RIMS1: variants seen among roughly 807,000 people sequenced by gnomAD.
The protein encoded by RIMS1 is regulating synaptic membrane exocytosis 1.
Under a neutral mutation model 214.1 loss-of-function variants are expected in RIMS1, and 83 were observed. The ratio of observed to expected loss-of-function variants is 0.39; its 90% CI spans 0.32 to 0.47. The LOEUF is 0.47. RIMS1 is among the 20% of genes least tolerant of loss of function. The probability of loss-of-function intolerance (pLI) is 0.99; values close to 1 mark genes in which losing one functional copy is unlikely to be tolerated. For synonymous variants in RIMS1, 793 were observed against 786.8 expected (o/e 1.01, Z -0.13); for missense variants, 2,050 against 2,161.8 (o/e 0.95, Z 1.03).
At chr6:71,914,945 A>G (rs1777892263) in intron 1 of RIMS1, among the ~76,000 whole-genome samples, 1 of 152,182 alleles carries the variant, frequency 6.6e-6, no homozygotes, top group Admixed American at 6.6e-5. Flanking sequence ...TCACTATCAG[A>G]GTACCTTAAA....
Position 72,158,318 on chromosome 6 carries a change from T to C in RIMS1, c.472-21257T>C, listed in dbSNP as rs1483957581. On this transcript the variant is annotated intron_variant, in intron 4 of 33. Transcript: ENST00000521978. ...CACCAAAGTATAATTGCATTGTCTT[T>C]TCTTCTGTTATGTTGAGAAGTTAGT... Among the ~76,000 whole-genome samples the C allele has an allele frequency of 3.5e-5, 5 of 141,314 alleles. 2 individuals are homozygous for C. The highest frequency in any genetic ancestry group is 8.0e-5 in the Non-Finnish European group (5 of 62,186). 92.7% of individuals were successfully genotyped at this position (141,314 alleles called of 152,430 possible).
chr6:72,377,424 G>A (rs1407162328), intron 29 of RIMS1, among the ~76,000 whole-genome samples: 1 of 152,172 alleles, frequency 6.6e-6, no homozygotes, highest in Non-Finnish European at 1.5e-5. Flanking sequence ...TAGTTCAGAA[G>A]GGAACATGGG....
At chr6:72,006,960 A>C (rs1807949797) in intron 2 of RIMS1, among the ~76,000 whole-genome samples, 1 of 152,214 alleles carries the variant, frequency 6.6e-6, no homozygotes, top group Non-Finnish European at 1.5e-5. Flanking sequence ...CCTGTCTGAC[A>C]GCTTGGAAGA....
intron 23 of RIMS1, among the ~76,000 whole-genome samples, chr6:72,274,872 T>G (rs994910231): frequency 1.3e-5 from 2 of 151,954 alleles, no homozygotes; most frequent in African/African-American, 4.8e-5. Context: ...AGTTTAGGCT[T>G]TGATTATATT....
intron 4 of RIMS1, among the ~76,000 whole-genome samples, chr6:72,177,820 C>T (rs1043091779): frequency 6.6e-6 from 1 of 152,184 alleles, no homozygotes; most frequent in African/African-American, 2.4e-5. Flanking sequence ...TCATGAAGGT[C>T]CTGGCCCTGG....
At position 72,182,922 on chromosome 6, in the gene RIMS1, T is replaced by G; in HGVS notation, c.1451T>G (p.Met484Arg). ...SRLDPSSAVL[M>R]RKAKREKVET... ...CTGGACCCCAGCTCGGCGGTCCTCA[T>G]GCGGAAGGCCAAGCGCGAGAAGGTG... is the stretch of plus-strand genomic sequence containing the variant. The change falls in exon 6 of 34, where the codon ATG becomes AGG. Residue 484 changes from methionine (M) to arginine (R), a missense_variant. Around this residue, in one of 6 missense-constraint regions of RIMS1, gnomAD observed 882 missense variants for 828.9 expected, o/e 1.06. Transcript: ENST00000521978. 1 of 1,583,310 alleles carries G rather than the reference T, an allele frequency of 6.3e-7. No individual in the cohort carries two copies. The highest frequency in any genetic ancestry group is 8.6e-7 in the Non-Finnish European group (1 of 1,166,156).
At position 72,142,041 on chromosome 6, in the gene RIMS1, A is replaced by G. The variant is rs116161455; in HGVS notation, c.472-37534A>G. On this transcript the variant is annotated intron_variant, in intron 4 of 33. Transcript: ENST00000521978. ...AAAAGTGACATACTGCATTTGTCTT[A>G]GTTGCTAGTGGGTCTTTTAAATTTT... 6.0e-3 allele frequency among the ~76,000 whole-genome samples: 919 copies of G among 152,130 alleles called. 12 individuals carry two copies. Among genetic ancestry groups the G allele is most frequent in the African/African-American group, 0.021 (858 of 41,552 alleles).
At chr6:71,912,890 A>G (rs1199956894) in intron 1 of RIMS1, among the ~76,000 whole-genome samples, 2 of 152,180 alleles carry the variant, frequency 1.3e-5, no homozygotes, top group Non-Finnish European at 2.9e-5. Context: ...TTTGCAAACA[A>G]AAGACCAATA....
chr6:72,274,224 T>C, intron 22 of RIMS1, 125 bp from the exon 23 acceptor site: 1 of 560,952 alleles, frequency 1.8e-6, no homozygotes, highest in Non-Finnish European at 3.3e-6. Context: ...TTTTAAATTA[T>C]GGAGCAAAGA....
intron 6 of RIMS1, among the ~76,000 whole-genome samples, chr6:72,226,745 A>G (rs994343382): frequency 9.0e-6 from 1 of 110,842 alleles, no homozygotes; most frequent in African/African-American, 3.9e-5. Context: ...GGACTTCAGC[A>G]TTTTTCTAAG....
At chr6:72,133,232 T>C (rs755206028) in intron 4 of RIMS1, among the ~76,000 whole-genome samples, 52 of 60,260 alleles carry the variant, frequency 8.6e-4, no homozygotes, top group Non-Finnish European at 1.7e-3. Flanking sequence ...TTTTCTCTCT[T>C]TTTTTTTTTT....
intron 2 of RIMS1, among the ~76,000 whole-genome samples, chr6:72,035,371 T>A (rs1050734873): frequency 2.0e-5 from 3 of 152,168 alleles, no homozygotes; most frequent in Non-Finnish European, 2.9e-5. Context: ...AGTTTAGATA[T>A]AGATTTTTAG....
intron 2 of RIMS1, among the ~76,000 whole-genome samples, chr6:72,029,663 C>A (rs1817543074): frequency 6.6e-6 from 1 of 152,144 alleles, no homozygotes. Flanking sequence ...CAGGCTAGGA[C>A]TTTCTGCAAG....
chr6:72,146,805 C>G (rs1256428754), intron 4 of RIMS1, among the ~76,000 whole-genome samples: 1 of 152,144 alleles, frequency 6.6e-6, no homozygotes, highest in African/African-American at 2.4e-5. Flanking sequence ...CCTTACATAC[C>G]TATCATGTAA....
chr6:72,010,654 G>A (rs1303274463), intron 2 of RIMS1, among the ~76,000 whole-genome samples: 1 of 151,998 alleles, frequency 6.6e-6, no homozygotes, highest in Non-Finnish European at 1.5e-5. Context: ...AAATCAATGT[G>A]CAAAAATCAA....
chr6:72,212,970 C>G, intron 6 of RIMS1: 1 of 1,411,614 alleles, frequency 7.1e-7, no homozygotes, highest in East Asian at 2.6e-5. Context: ...ATTTCAGTTT[C>G]CATTTTCTGC....
chr6:72,305,723 G>T (rs577800074), intron 26 of RIMS1, among the ~76,000 whole-genome samples: 1 of 152,054 alleles, frequency 6.6e-6, no homozygotes, highest in Non-Finnish European at 1.5e-5. Context: ...GAACCACATT[G>T]CTCAAGCTCT....
chr6:72,040,338 G>A (rs1821097852), intron 2 of RIMS1, among the ~76,000 whole-genome samples: 1 of 151,958 alleles, frequency 6.6e-6, no homozygotes, highest in Admixed American at 6.6e-5. Flanking sequence ...AGCAATAACA[G>A]GACTTAATGA....
chr6:72,050,099 T>C (rs1824202765), intron 2 of RIMS1, among the ~76,000 whole-genome samples: 1 of 152,020 alleles, frequency 6.6e-6, no homozygotes, highest in African/African-American at 2.4e-5. Context: ...CCTTCACACA[T>C]ACACACACAC....
Sources: gnomAD v4.1 joint callset for allele counts (sites outside exome capture counted in the v4.1 genomes callset) on GRCh38, gnomAD v4.1.1 for gene constraint, gnomAD v4.1.1 regional missense constraint, MANE v1.5 for transcripts, NCBI Gene and HGNC (gene_info 2026-07-23, HGNC 2026-07-21) for gene names.